MGAT5: variants seen among roughly 807,000 people sequenced by gnomAD.
MGAT5 encodes alpha-1,6-mannosylglycoprotein 6-beta-N-acetylglucosaminyltransferase.
Under a neutral mutation model 94.3 loss-of-function variants are expected in MGAT5, and 30 were observed. The ratio of observed to expected loss-of-function variants is 0.32; its 90% CI spans 0.24 to 0.43. The LOEUF is 0.43. Ranked by LOEUF, MGAT5 falls within the 20% of genes least tolerant of loss-of-function variation. The pLI, the probability that MGAT5 is intolerant of heterozygous loss-of-function variation, is 1.00. For synonymous variants in MGAT5, 310 were observed against 322.9 expected, an observed-to-expected ratio of 0.96 and a Z score of 0.43; for missense variants, 691 against 905.5, an observed-to-expected ratio of 0.76 and a Z score of 3.04.
chr2:134,197,409 G>A (rs1200791045), intron 1 of MGAT5, among the ~76,000 whole-genome samples: 2 of 152,200 alleles, frequency 1.3e-5, no homozygotes, highest in African/African-American at 2.4e-5. Flanking sequence ...CAAAAGGTCG[G>A]TTGAGACATT....
At chr2:134,176,690 A>G (rs749800832) in intron 1 of MGAT5, among the ~76,000 whole-genome samples, 49 of 152,304 alleles carry the variant, frequency 3.2e-4, no homozygotes, top group Non-Finnish European at 5.0e-4. Context: ...AGATTCAAAG[A>G]CATAATATTA....
chr2:134,402,542 A>G (rs1174122579), intron 10 of MGAT5, among the ~76,000 whole-genome samples: 1 of 152,170 alleles, frequency 6.6e-6, no homozygotes, highest in Admixed American at 6.5e-5. Flanking sequence ...GGGACAGCTT[A>G]GCATCTCTGG....
intron 1 of MGAT5, among the ~76,000 whole-genome samples, chr2:134,152,939 T>G (rs572138801): frequency 2.1e-5 from 3 of 144,544 alleles, no homozygotes; most frequent in Non-Finnish European, 4.5e-5. Flanking sequence ...AATCTCACTC[T>G]GTCGCCCAGG....
At chr2:134,382,739 C>T (rs1280176001) in intron 10 of MGAT5, among the ~76,000 whole-genome samples, 4 of 152,206 alleles carry the variant, frequency 2.6e-5, no homozygotes, top group African/African-American at 7.2e-5. Context: ...TCTACCATTT[C>T]CTTTGTCAGA....
chr2:134,422,847 A>G lies in MGAT5; in HGVS notation c.1722A>G (p.Pro574=). ...ACGCTGAAGTTTTCATCGGGCGGCC[A>G]CATGTGTGGACTGTTGACCTCAACA... is the stretch of plus-strand genomic sequence containing the variant. ...HPYAEVFIGR[P]HVWTVDLNNQ... is the part of the protein sequence containing the mutation. The change falls in exon 13 of 16, where the codon CCA becomes CCG. Residue 574 remains proline, a synonymous_variant. Coordinates refer to ENST00000281923, the MANE Select transcript of MGAT5 (RefSeq NM_002410.5). 1 of 1,613,992 alleles carries G rather than the reference A, an allele frequency of 6.2e-7. No individual in the cohort carries two copies. The highest frequency in any genetic ancestry group is 1.1e-5 in the South Asian group (1 of 91,084).
intron 1 of MGAT5, among the ~76,000 whole-genome samples, chr2:134,145,214 C>CTCTGTGTGTGTG (rs373377770): frequency 9.0e-4 from 130 of 143,856 alleles, no homozygotes; most frequent in Middle Eastern, 3.6e-3. Flanking sequence ...GTCTCTCTCT[C>CTCTGTGTGTGTG]TGTGTGTGTG....
chr2:134,174,508 T>C (rs1306362246), intron 1 of MGAT5, among the ~76,000 whole-genome samples: 5 of 152,270 alleles, frequency 3.3e-5, no homozygotes, highest in Non-Finnish European at 7.3e-5. Context: ...TTTTAGGCAG[T>C]AAAAGTTTTG....
rs115477793 is a variant in MGAT5 at position 134,287,948 on chromosome 2, G to T, written c.406+17398G>T. 4.6e-3 allele frequency among the ~76,000 whole-genome samples: 698 copies of T among 152,276 alleles called. 5 individuals are homozygous for T. The highest frequency in any genetic ancestry group is 0.016 in the African/African-American group (657 of 41,562). On this transcript the variant is annotated intron_variant, in intron 2 of 15. Transcript: ENST00000281923. ...TTCACCAGTGTAATAAATGGAAAATGATATTTTACATATGTTTCTTTGATT... is the reference window on the plus strand; with the variant it reads ...TTCACCAGTGTAATAAATGGAAAATTATATTTTACATATGTTTCTTTGATT...
chr2:134,443,001 G>A (rs1456452226), intron 15 of MGAT5, among the ~76,000 whole-genome samples: 2 of 152,124 alleles, frequency 1.3e-5, no homozygotes, highest in African/African-American at 2.4e-5. Context: ...CAGGCTTCAC[G>A]CCCTGTTAGT....
intron 10 of MGAT5, among the ~76,000 whole-genome samples, chr2:134,378,099 G>GA (rs1681299855): frequency 2.0e-5 from 3 of 152,216 alleles, no homozygotes; most frequent in Admixed American, 6.5e-5. Context: ...ATTGCTCAGT[G>GA]AAAACGGATC....
intron 1 of MGAT5, among the ~76,000 whole-genome samples, chr2:134,236,079 T>C (rs2105419005): frequency 6.6e-6 from 1 of 152,256 alleles, no homozygotes; most frequent in Non-Finnish European, 1.5e-5. Context: ...CACCACCTAT[T>C]TCTGCTGCTT....
At chr2:134,279,716 T>G (rs1336942983) in intron 2 of MGAT5, among the ~76,000 whole-genome samples, 1 of 152,234 alleles carries the variant, frequency 6.6e-6, no homozygotes, top group Non-Finnish European at 1.5e-5. Flanking sequence ...CTTGTTTGTT[T>G]TAATCAGAAG....
chr2:134,270,705 TTA>T (rs1244112255), intron 2 of MGAT5, among the ~76,000 whole-genome samples, 155 bp downstream of exon 2: 1 of 152,252 alleles, frequency 6.6e-6, no homozygotes. Context: ...AATTTATTTT[TTA>T]ATAGCAGATG....
intron 1 of MGAT5, among the ~76,000 whole-genome samples, chr2:134,167,700 T>G (rs1467779361): frequency 1.3e-5 from 2 of 152,212 alleles, no homozygotes; most frequent in African/African-American, 2.4e-5. Flanking sequence ...GTGCAAGTCT[T>G]GTAAAGGGAA....
intron 2 of MGAT5, among the ~76,000 whole-genome samples, chr2:134,290,480 C>T (rs1685281471): frequency 6.6e-6 from 1 of 152,192 alleles, no homozygotes; most frequent in African/African-American, 2.4e-5. Flanking sequence ...CACATGCAAA[C>T]TTGAGGTATG....
chr2:134,386,420 T>C (rs563839119), intron 10 of MGAT5, among the ~76,000 whole-genome samples: 2 of 152,280 alleles, frequency 1.3e-5, no homozygotes, highest in East Asian at 3.9e-4. Context: ...AACCGTAAAA[T>C]AAAAAAATCT....
intron 1 of MGAT5, among the ~76,000 whole-genome samples, chr2:134,215,060 A>G (rs1269502956): frequency 6.6e-6 from 1 of 152,192 alleles, no homozygotes; most frequent in Non-Finnish European, 1.5e-5. Flanking sequence ...TCTTTTGCTC[A>G]GTATTATGTT....
At chr2:134,161,913 G>A (rs187234678) in intron 1 of MGAT5, among the ~76,000 whole-genome samples, 2 of 152,122 alleles carry the variant, frequency 1.3e-5, no homozygotes, top group East Asian at 3.9e-4. Context: ...ATGTTTGGCC[G>A]GGCGCAGTGG....
intron 1 of MGAT5, among the ~76,000 whole-genome samples, chr2:134,267,705 T>A (rs1057400532): frequency 1.3e-5 from 2 of 152,232 alleles, no homozygotes; most frequent in African/African-American, 4.8e-5. Flanking sequence ...AACAATGGAT[T>A]GAGGGACTGT....
Sources: gnomAD v4.1 joint callset for allele counts (sites outside exome capture counted in the v4.1 genomes callset) on GRCh38, gnomAD v4.1.1 for gene constraint, MANE v1.5 for transcripts, NCBI Gene and HGNC (gene_info 2026-07-23, HGNC 2026-07-21) for gene names.